Variants in TPTE2 observed in about 807,000 individuals in gnomAD.
TPTE2 encodes transmembrane phosphoinositide 3-phosphatase and tensin homolog 2.
TPTE2 carries 53 observed loss-of-function variants against 78.6 expected under a neutral mutation model. The observed-to-expected ratio is 0.67, with a 90% CI of 0.54 to 0.85. The LOEUF is 0.85. Ranked by LOEUF, TPTE2 falls within the 40% of genes least tolerant of loss-of-function variation. The pLI, the probability that TPTE2 is intolerant of heterozygous loss-of-function variation, is 0.00. For synonymous variants in TPTE2, 175 were observed against 206.2 expected (o/e 0.85, Z 1.30); for missense variants, 461 against 623.0 (o/e 0.74, Z 2.77).
At chr13:19,450,456 A>G in intron 11 of TPTE2, 112 bp from the exon 15 acceptor site, 4 of 994,368 alleles carry the variant, frequency 4.0e-6, no homozygotes, top group Non-Finnish European at 5.8e-6. Context: ...CTTCAAAAAG[A>G]GCTTTCCAAG....
intron 13 of TPTE2, among the ~76,000 whole-genome samples, chr13:19,449,296 C>T (rs988245051): frequency 1.7e-4 from 26 of 152,110 alleles, no homozygotes; most frequent in African/African-American, 2.4e-5. Flanking sequence ...GCCTCAGCCT[C>T]CCGAGTAGCT....
chr13:19,442,538 A>T (rs1204805001), intron 13 of TPTE2, among the ~76,000 whole-genome samples: 2 of 152,054 alleles, frequency 1.3e-5, no homozygotes, highest in Non-Finnish European at 2.9e-5. Flanking sequence ...TAACCCAAGG[A>T]GTACAGAAGA....
At chr13:19,435,918 C>T (rs1454339319) in intron 15 of TPTE2, among the ~76,000 whole-genome samples, 2 of 152,108 alleles carry the variant, frequency 1.3e-5, no homozygotes, top group Non-Finnish European at 2.9e-5. Flanking sequence ...AGATACACTT[C>T]AGGGTCCTGG....
chr13:19,546,737 G>A, the TPTE2 span, among the ~76,000 whole-genome samples: 6 of 151,670 alleles, frequency 4.0e-5, no homozygotes, highest in African/African-American at 1.2e-4. Context: ...TGATCCACCC[G>A]CCTCAGCCTC....
intron 3 of TPTE2, among the ~76,000 whole-genome samples, chr13:19,491,875 G>A (rs1261933461): frequency 3.3e-5 from 5 of 152,004 alleles, no homozygotes; most frequent in Non-Finnish European, 5.9e-5. Flanking sequence ...TGCGTCCAAC[G>A]TCCTATAAAA....
At chr13:19,513,884 C>A (rs767488295) in intron 1 of TPTE2, among the ~76,000 whole-genome samples, 3 of 152,110 alleles carry the variant, frequency 2.0e-5, no homozygotes, top group Non-Finnish European at 4.4e-5. Context: ...ATTATCAAGT[C>A]CCTCCACCAC....
In TPTE2 at chr13:19,508,859, A is replaced by G. The variant is rs372591812; in HGVS notation, c.-43-5582T>C. Among the ~76,000 whole-genome samples, 450 of 152,274 alleles carry G rather than the reference A, an allele frequency of 3.0e-3. 10 individuals carry two copies. The South Asian group carries it at 0.045, about 15-fold the overall frequency. On this transcript the variant is annotated intron_variant, in intron 1 of 17. Coordinates refer to the TPTE2 transcript ENST00000390680. ...GAAAATTCTAACACCTTCTAGAAAG[A>G]GCAAAAGACCTATGAGGGCACAAGG...
chr13:19,459,596 T>G (rs539533536), intron 10 of TPTE2, among the ~76,000 whole-genome samples: 1 of 152,272 alleles, frequency 6.6e-6, no homozygotes, highest in East Asian at 1.9e-4. Flanking sequence ...AGTGGCTGAG[T>G]TGACCAAACT....
chr13:19,448,201 A>C (rs1324395179), intron 13 of TPTE2, among the ~76,000 whole-genome samples: 1 of 152,256 alleles, frequency 6.6e-6, no homozygotes, highest in East Asian at 1.9e-4. Flanking sequence ...CTTAACTGTG[A>C]AACGTGAAAT....
At chr13:19,536,739 CCT>C (rs1215374638) in exon 1 of TPTE2, 2 of 152,042 alleles carry the variant, frequency 1.3e-5, no homozygotes, top group Non-Finnish European at 2.9e-5. Flanking sequence ...CACGTTCTCC[CCT>C]GATTTGTACT....
At chr13:19,449,705 T>TA (rs1404977313) in intron 13 of TPTE2, among the ~76,000 whole-genome samples, 2 of 152,054 alleles carry the variant, frequency 1.3e-5, no homozygotes, top group Non-Finnish European at 2.9e-5. Flanking sequence ...AATTTAAAAA[T>TA]AAAAAAGATC....
upstream of TPTE2, among the ~76,000 whole-genome samples, chr13:19,538,163 A>C (rs559454346): frequency 2.6e-5 from 4 of 152,288 alleles, no homozygotes; most frequent in South Asian, 8.3e-4. Flanking sequence ...TGCTTTTGAT[A>C]TCTTAAATCC....
chr13:19,431,095 C>G (rs1437125854), intron 16 of TPTE2, among the ~76,000 whole-genome samples: 7 of 150,854 alleles, frequency 4.6e-5, no homozygotes, highest in Non-Finnish European at 8.8e-5. Context: ...CCACTGCACT[C>G]CAGCCTGGGT....
chr13:19,465,896 C>T (rs1200591756), intron 7 of TPTE2, among the ~76,000 whole-genome samples: 1 of 152,144 alleles, frequency 6.6e-6, no homozygotes, highest in African/African-American at 2.4e-5. Flanking sequence ...AAATTCTGGT[C>T]TAGAGAAATA....
At chr13:19,530,982 T>A (rs897066391) in intron 1 of TPTE2, among the ~76,000 whole-genome samples, 2 of 152,144 alleles carry the variant, frequency 1.3e-5, no homozygotes, top group African/African-American at 4.8e-5. Flanking sequence ...AAACAGAAAG[T>A]CTATACCCAT....
At chr13:19,485,147 A>G (rs1880588434) in intron 3 of TPTE2, among the ~76,000 whole-genome samples, 1 of 152,126 alleles carries the variant, frequency 6.6e-6, no homozygotes. Flanking sequence ...CTCTAACAGT[A>G]ACTTTTAAAG....
At chr13:19,425,875 T>C (rs771255676) in intron 18 of TPTE2, 3 of 517,624 alleles carry the variant, frequency 5.8e-6, no homozygotes, top group Non-Finnish European at 1.2e-5. Context: ...TCGTGTGTTG[T>C]ATTGTGCTGC....
chr13:19,560,585 G>T, the TPTE2 span: 1 of 1,600,322 alleles, frequency 6.2e-7, no homozygotes, highest in Non-Finnish European at 8.5e-7. Flanking sequence ...ACGATCTCTC[G>T]GTCAAAGAGG....
At chr13:19,527,371 C>T (rs911755250) in intron 1 of TPTE2, among the ~76,000 whole-genome samples, 11 of 152,064 alleles carry the variant, frequency 7.2e-5, no homozygotes, top group Non-Finnish European at 1.5e-4. Context: ...CCTTTAATAC[C>T]CTGATTGGTC....
Sources: allele counts gnomAD v4.1 joint callset (sites outside exome capture counted in the v4.1 genomes callset), GRCh38; gene constraint gnomAD v4.1.1; transcripts MANE v1.5; gene names NCBI Gene and HGNC (gene_info 2026-07-23, HGNC 2026-07-21).